The following CAPRIN1 variants were observed in gnomAD, a reference collection of about 807,000 sequenced individuals.
CAPRIN1 encodes cell cycle associated protein 1, also known as caprin-1.
Under a neutral mutation model 100.9 loss-of-function variants are expected in CAPRIN1, and 29 were observed. That is an observed-to-expected ratio of 0.29 (90% confidence interval 0.21 to 0.39). The LOEUF is 0.39. Among genes scored for constraint, CAPRIN1 ranks in the 10% least tolerant of loss-of-function variants. The probability of loss-of-function intolerance (pLI) is 1.00; values close to 1 mark genes in which losing one functional copy is unlikely to be tolerated. For missense variants in CAPRIN1, 795 were observed against 876.7 expected (o/e 0.91, Z 1.18); for synonymous variants, 338 against 307.5 (o/e 1.10, Z -1.04).
chr11:34,080,490 TC>T (rs1237443576), intron 7 of CAPRIN1, among the ~76,000 whole-genome samples: 1 of 152,230 alleles, frequency 6.6e-6, no homozygotes, highest in African/African-American at 2.4e-5. Flanking sequence ...TTTGTTTTAA[TC>T]ATGGGGAGAT....
chr11:34,052,033 C>T (rs1020166349), intron 1 of CAPRIN1, 162 bp downstream of exon 1: 33 of 151,592 alleles, frequency 2.2e-4, no homozygotes, highest in African/African-American at 8.0e-4. Flanking sequence ...AAGCCCCGAC[C>T]TCTCTCTTTC....
rs147830169 is a variant in CAPRIN1, at chr11:34,066,015, T to C, written c.217-5711T>C. 2.1e-3 allele frequency among the ~76,000 whole-genome samples: 316 copies of C among 152,348 alleles called. 2 individuals carry two copies. The highest frequency in any genetic ancestry group is 8.8e-3 in the Admixed American group (135 of 15,306). On this transcript the variant is annotated intron_variant, in intron 2 of 18. Coordinates refer to ENST00000341394, the MANE Select transcript of CAPRIN1 (RefSeq NM_005898.5). ...TAGTTTCTTTTGATCTCACTCTTGG[T>C]CAGGCTGGAGTGTGATAGCGTGATC...
intron 2 of CAPRIN1, among the ~76,000 whole-genome samples, chr11:34,057,688 A>G (rs931912432): frequency 7.9e-5 from 12 of 152,124 alleles, no homozygotes; most frequent in Non-Finnish European, 2.9e-5. Context: ...ATAATCTTAC[A>G]CTGTTATAAA....
rs1851438497 is a variant in CAPRIN1, at chr11:34,100,542, C to G, written c.*1175C>G. ...AACACTGGTGTTCAACAGCTAGCAG[C>G]TTATGTGATTCACCCCATGCCACGT... On this transcript the variant is annotated 3_prime_UTR_variant, in exon 19 of 19. Transcript: ENST00000341394. 6.6e-6 allele frequency: 1 copy of G among 152,168 alleles called. No homozygotes were observed. Among genetic ancestry groups the G allele is most frequent in the Admixed American group, 6.5e-5 (1 of 15,272 alleles). The allele number at this position is 152,168 out of a possible 1,614,324, so 9.4% of individuals were successfully genotyped here. A position where few individuals can be genotyped will look rare whatever the true frequency, so the allele number is the denominator to read the frequency against.
Position 34,096,551 on chromosome 11 carries a change from A to G in CAPRIN1, c.1778A>G (p.Gln593Arg), listed in dbSNP as rs1851370421. 1 of 1,614,184 alleles carries G rather than the reference A, an allele frequency of 6.2e-7. No homozygotes were observed. The highest frequency in any genetic ancestry group is 1.1e-5 in the South Asian group (1 of 91,088). Residue 593 changes from glutamine to arginine, a missense_variant, in exon 16 of 19, where the codon CAG (glutamine) becomes CGG (arginine). By Grantham distance (43) the Gln-to-Arg change is conservative. Transcript: ENST00000341394. ...GGTAACCACCAGCAGCCTCCTCAGC[A>G]GAACACTGGATTTCCACGTAGCAAT... Reference protein sequence around the residue: ...VTGNHQQPPQQNTGFPRSNQP... With the variant: ...VTGNHQQPPQRNTGFPRSNQP...
At chr11:34,056,187 A>C (rs760987463) in intron 2 of CAPRIN1, among the ~76,000 whole-genome samples, 2 of 152,168 alleles carry the variant, frequency 1.3e-5, no homozygotes, top group African/African-American at 4.8e-5. Context: ...TTTGAGCTTT[A>C]TTTCAATCTT....
At chr11:34,076,088 A>G (rs1565090092) in intron 4 of CAPRIN1, 148 bp from the exon 5 acceptor site, 5 of 611,130 alleles carry the variant, frequency 8.2e-6, no homozygotes, top group South Asian at 4.1e-5. Flanking sequence ...GTTTAAAACT[A>G]TTTGTAAGTC....
At chr11:34,066,670 ACT>A (rs1372836112) in intron 2 of CAPRIN1, among the ~76,000 whole-genome samples, 2 of 146,470 alleles carry the variant, frequency 1.4e-5, no homozygotes, top group Admixed American at 1.4e-4. Context: ...ACGGAGTCTC[ACT>A]CTGTTGTCCA....
At chr11:34,093,305 G>C (rs1221546027) in intron 15 of CAPRIN1, among the ~76,000 whole-genome samples, 2 of 151,674 alleles carry the variant, frequency 1.3e-5, no homozygotes, top group African/African-American at 4.9e-5. Context: ...TCCTGTACTG[G>C]AGCCTTTAAC....
chr11:34,097,184 C>A lies in CAPRIN1; in HGVS notation c.1901-12C>A, dbSNP rs746427591. 2 of 1,570,736 alleles carry A rather than the reference C, an allele frequency of 1.3e-6. No homozygotes were observed. Among genetic ancestry groups the A allele is most frequent in the Non-Finnish European group, 1.7e-6 (2 of 1,143,504 alleles). Reference sequence around the variant, plus strand: ...ATAAGAAAATTATTTCTTTTCTTGTCCTAAATTTTAGGAGGATATGATGGT... The same window carrying A: ...ATAAGAAAATTATTTCTTTTCTTGTACTAAATTTTAGGAGGATATGATGGT... On this transcript the variant is annotated splice_polypyrimidine_tract_variant and intron_variant, in intron 16 of 18. Transcript: ENST00000341394.
chr11:34,053,787 ATAAT>A (rs1850388454), intron 2 of CAPRIN1: 1 of 152,228 alleles, frequency 6.6e-6, no homozygotes, highest in Non-Finnish European at 1.5e-5. Context: ...GGCAGAGTGA[ATAAT>A]TAAAATGAGT....
chr11:34,065,794 C>T (rs1850677180), intron 2 of CAPRIN1, among the ~76,000 whole-genome samples: 1 of 152,018 alleles, frequency 6.6e-6, no homozygotes, highest in Non-Finnish European at 1.5e-5. Flanking sequence ...TTGGTATTTC[C>T]TCTTATGAGT....
chr11:34,083,939 C>A (rs1247623732), intron 9 of CAPRIN1, among the ~76,000 whole-genome samples: 1 of 152,048 alleles, frequency 6.6e-6, no homozygotes, highest in East Asian at 1.9e-4. Flanking sequence ...CATGGTGGTG[C>A]ATGCCTGTAA....
At position 34,096,696 on chromosome 11, in the gene CAPRIN1, T is replaced by C. The variant is rs760301413; in HGVS notation, c.1900+23T>C. ...GAGGTAAAAAAATAAAAAAGGAGGTTCTAATGACCTTTTACTAGTTCAAAT... is the reference window on the plus strand; with the variant it reads ...GAGGTAAAAAAATAAAAAAGGAGGTCCTAATGACCTTTTACTAGTTCAAAT... On this transcript the variant is annotated intron_variant, in intron 16 of 18. Transcript: ENST00000341394. 4.4e-5 allele frequency: 69 copies of C among 1,555,386 alleles called. 2 individuals carry two copies. The South Asian group carries it at 7.9e-4, about 18-fold the overall frequency.
chr11:34,088,700 A>G (rs1851198449), intron 11 of CAPRIN1, among the ~76,000 whole-genome samples: 1 of 152,006 alleles, frequency 6.6e-6, no homozygotes, highest in Non-Finnish European at 1.5e-5. Flanking sequence ...AAAATGGAAT[A>G]CTATCTGTCT....
At chr11:34,055,380 C>G (rs963683141) in intron 2 of CAPRIN1, among the ~76,000 whole-genome samples, 1 of 152,108 alleles carries the variant, frequency 6.6e-6, no homozygotes, top group Non-Finnish European at 1.5e-5. Context: ...TGGAGTGCGA[C>G]GATGTGATCT....
chr11:34,085,690 G>T (rs1851125034), intron 9 of CAPRIN1, among the ~76,000 whole-genome samples: 1 of 152,136 alleles, frequency 6.6e-6, no homozygotes, highest in Non-Finnish European at 1.5e-5. Context: ...TGTAATCCCA[G>T]CTACCTGAGA....
Position 34,090,203 on chromosome 11 carries a change from G to A in CAPRIN1, c.1318G>A (p.Glu440Lys), listed in dbSNP as rs1490670090. 1.2e-6 allele frequency: 2 copies of A among 1,612,782 alleles called. No homozygotes were observed. Among genetic ancestry groups the A allele is most frequent in the African/African-American group, 2.7e-5 (2 of 74,852 alleles). ...TQVPLVSSTS[E>K]GYTASQPLYQ... ...GGTTCCTTTGGTATCATCCACAAGT[G>A]AGGGGTACACAGCATCTCAACCCTT... The change falls in exon 13 of 19, where the codon GAG becomes AAG. Residue 440 changes from glutamate to lysine, a missense_variant. Physicochemically the swap from Glu to Lys is moderately conservative, Grantham distance 56 (BLOSUM62 1). Around this residue, in one of 3 missense-constraint regions of CAPRIN1, gnomAD observed 648 missense variants for 697.9 expected, o/e 0.93. Transcript: ENST00000341394.
chr11:34,055,226 T>C (rs1850424894), intron 2 of CAPRIN1, among the ~76,000 whole-genome samples: 1 of 152,128 alleles, frequency 6.6e-6, no homozygotes, highest in Non-Finnish European at 1.5e-5. Flanking sequence ...TGCGGTAGGA[T>C]GATCTTGGCT....
Sources: gnomAD v4.1 joint callset for allele counts (sites outside exome capture counted in the v4.1 genomes callset) on GRCh38, gnomAD v4.1.1 for gene constraint, gnomAD v4.1.1 regional missense constraint, MANE v1.5 for transcripts, NCBI Gene and HGNC (gene_info 2026-07-23, HGNC 2026-07-21) for gene names.